Variants in PDE4D observed in about 807,000 individuals in gnomAD.
PDE4D encodes 3',5'-cyclic-AMP phosphodiesterase 4D.
In PDE4D, 24 loss-of-function variants were observed where a neutral mutation model predicts 87.4. The observed-to-expected ratio is 0.27, with a 90% CI of 0.20 to 0.39. The LOEUF is 0.39. PDE4D is among the 10% of genes least tolerant of loss of function. The pLI, the probability that PDE4D is intolerant of heterozygous loss-of-function variation, is 1.00. For synonymous variants in PDE4D, 384 were observed against 383.2 expected (o/e 1.00, Z -0.02); for missense variants, 714 against 1,041.0 (o/e 0.69, Z 4.32).
chr5:60,220,839 A>G (rs1744411942), intron 1 of PDE4D, among the ~76,000 whole-genome samples: 1 of 152,194 alleles, frequency 6.6e-6, no homozygotes, highest in African/African-American at 2.4e-5. Context: ...ACCTATTAAA[A>G]TAAGTCCTTT....
chr5:59,977,046 G>A (rs1333173446), intron 3 of PDE4D, among the ~76,000 whole-genome samples: 2 of 151,984 alleles, frequency 1.3e-5, no homozygotes, highest in Non-Finnish European at 2.9e-5. Flanking sequence ...ATTGAAATTA[G>A]GCCAATTAAT....
At chr5:59,441,685 A>C (rs1480467422) in intron 1 of PDE4D, among the ~76,000 whole-genome samples, 1 of 152,180 alleles carries the variant, frequency 6.6e-6, no homozygotes, top group South Asian at 2.1e-4. Flanking sequence ...AATAAGGCTT[A>C]AGACAGAATT....
At chr5:60,337,350 A>T (rs1414146916) in intron 1 of PDE4D, among the ~76,000 whole-genome samples, 4 of 39,446 alleles carry the variant, frequency 1.0e-4, no homozygotes, top group African/African-American at 5.0e-4. Context: ...AAACAAACAA[A>T]CTATATATAT....
At chr5:60,460,380 G>T in intron 1 of PDE4D, 3 of 1,022,080 alleles carry the variant, frequency 2.9e-6, no homozygotes, top group Non-Finnish European at 4.7e-6. Context: ...TTTCAACTCT[G>T]CTCAAATAAT....
chr5:60,413,394 G>T (rs1241400473), intron 1 of PDE4D, among the ~76,000 whole-genome samples: 1 of 152,076 alleles, frequency 6.6e-6, no homozygotes, highest in African/African-American at 2.4e-5. Context: ...TTTTACATTG[G>T]TCCCAAAGGT....
At position 59,387,832 on chromosome 5, in the gene PDE4D, A is replaced by C. The variant is rs1417579422; in HGVS notation, c.456-171864T>G. On this transcript the variant is annotated intron_variant, in intron 1 of 14. Transcript: ENST00000340635. ...AAATCTACTCTTTTAGCTATTTTCA[A>C]GTATGCAATGTATTGTTGTTAACTA... Among the ~76,000 whole-genome samples the C allele has an allele frequency of 2.6e-5, 4 of 152,086 alleles. No homozygotes were observed. The East Asian group carries it at 7.7e-4, about 29-fold the overall frequency.
At chr5:59,922,156 C>A (rs868380355) in intron 3 of PDE4D, among the ~76,000 whole-genome samples, 25 of 152,126 alleles carry the variant, frequency 1.6e-4, no homozygotes, top group Admixed American at 2.6e-4. Context: ...AGAATATAGA[C>A]CAGCCCTAGC....
At chr5:60,116,203 A>G (rs1048150759) in intron 2 of PDE4D, among the ~76,000 whole-genome samples, 5 of 152,140 alleles carry the variant, frequency 3.3e-5, no homozygotes, top group Admixed American at 3.3e-4. Flanking sequence ...GAAACAGCAC[A>G]GAATCCACAG....
At chr5:60,402,351 T>G (rs1286557372) in intron 1 of PDE4D, among the ~76,000 whole-genome samples, 1 of 152,186 alleles carries the variant, frequency 6.6e-6, no homozygotes, top group East Asian at 1.9e-4. Context: ...AGTTCCCCAT[T>G]TGTGTTGTGA....
chr5:59,851,798 G>A (rs1053524970), intron 1 of PDE4D, among the ~76,000 whole-genome samples: 1 of 151,926 alleles, frequency 6.6e-6, no homozygotes, highest in Non-Finnish European at 1.5e-5. Context: ...ATGGCAGGTG[G>A]TCTCTAGGAA....
intron 1 of PDE4D, among the ~76,000 whole-genome samples, chr5:59,410,215 C>T (rs545561769): frequency 2.2e-4 from 34 of 152,032 alleles, no homozygotes; most frequent in African/African-American, 7.5e-4. Context: ...TGGCATCCTA[C>T]TCTCTATCTC....
intron 1 of PDE4D, among the ~76,000 whole-genome samples, chr5:59,873,567 T>C (rs900057545): frequency 6.6e-6 from 1 of 152,206 alleles, no homozygotes; most frequent in African/African-American, 2.4e-5. Context: ...AAATTAGCAA[T>C]ATTTTACAAC....
At chr5:60,142,897 T>A (rs1441287291) in intron 2 of PDE4D, among the ~76,000 whole-genome samples, 1 of 152,128 alleles carries the variant, frequency 6.6e-6, no homozygotes, top group Non-Finnish European at 1.5e-5. Flanking sequence ...GCCACAAAAA[T>A]GGACAAATGA....
At chr5:59,256,759 A>G (rs1761055251) in intron 1 of PDE4D, among the ~76,000 whole-genome samples, 1 of 152,096 alleles carries the variant, frequency 6.6e-6, no homozygotes, top group Non-Finnish European at 1.5e-5. Flanking sequence ...TTAAATGGAC[A>G]TATCTGTGCA....
At chr5:59,860,182 G>A (rs1001422044) in intron 1 of PDE4D, among the ~76,000 whole-genome samples, 7 of 152,152 alleles carry the variant, frequency 4.6e-5, no homozygotes, top group Non-Finnish European at 8.8e-5. Context: ...GCTTTTTACT[G>A]TGAGAATGGA....
chr5:59,074,283 T>C (rs1375803436), intron 5 of PDE4D, among the ~76,000 whole-genome samples: 1 of 152,134 alleles, frequency 6.6e-6, no homozygotes, highest in Admixed American at 6.5e-5. Flanking sequence ...CATCTACATA[T>C]AACATGAATT....
intron 1 of PDE4D, among the ~76,000 whole-genome samples, chr5:59,426,531 A>T (rs1795237448): frequency 6.6e-6 from 1 of 152,062 alleles, no homozygotes; most frequent in Admixed American, 6.6e-5. Flanking sequence ...CATCACCAGA[A>T]AGAGGGAGCA....
At position 59,025,798 on chromosome 5, in the gene PDE4D, G is replaced by A. The variant is rs781524768; in HGVS notation, c.921+13061C>T. 1.2e-4 allele frequency among the ~76,000 whole-genome samples: 18 copies of A among 152,340 alleles called. 1 individual carries two copies. The East Asian group carries it at 1.7e-3, about 15-fold the overall frequency. ...CTGCACTTACTCCAATATGGCAGCC[G>A]CATCTTTGCCTCTTTGCTATGGACA... On this transcript the variant is annotated intron_variant, in intron 6 of 14. Coordinates refer to ENST00000340635, the MANE Select transcript of PDE4D (RefSeq NM_001104631.2).
intron 1 of PDE4D, among the ~76,000 whole-genome samples, chr5:59,374,305 T>C (rs1166661319): frequency 1.3e-5 from 2 of 151,986 alleles, no homozygotes; most frequent in Non-Finnish European, 2.9e-5. Flanking sequence ...ATGATACACA[T>C]AGGCTCAAAA....
Sources: gnomAD v4.1 joint callset for allele counts (sites outside exome capture counted in the v4.1 genomes callset) on GRCh38, gnomAD v4.1.1 for gene constraint, MANE v1.5 for transcripts, NCBI Gene and HGNC (gene_info 2026-07-23, HGNC 2026-07-21) for gene names.